The following CAST variants were observed in gnomAD, a reference collection of about 807,000 sequenced individuals.
CAST encodes the protein calpastatin, also known as MIR583 host.
CAST carries 76 observed loss-of-function variants against 119.6 expected under a neutral mutation model. That is an observed-to-expected ratio of 0.64 (90% CI 0.53 to 0.77). The LOEUF is 0.77. CAST is among the 30% of genes least tolerant of loss of function. The pLI is 0.00. For missense variants in CAST, 953 were observed against 946.5 expected (o/e 1.01, Z -0.09); for synonymous variants, 319 against 331.6 (o/e 0.96, Z 0.41).
the CAST span, among the ~76,000 whole-genome samples, chr5:96,401,850 T>C: frequency 6.6e-6 from 1 of 152,196 alleles, no homozygotes; most frequent in African/African-American, 2.4e-5. Context: ...ACAGGGTATA[T>C]ATGCTCAGCA....
At chr5:96,667,925 G>T (rs1487985511) in intron 1 of CAST, among the ~76,000 whole-genome samples, 1 of 152,234 alleles carries the variant, frequency 6.6e-6, no homozygotes, top group Non-Finnish European at 1.5e-5. Flanking sequence ...TGAGGCAGGA[G>T]AATGGCGTGA....
At chr5:96,548,729 A>G (rs901099789) in intron 1 of CAST, among the ~76,000 whole-genome samples, 4 of 152,210 alleles carry the variant, frequency 2.6e-5, no homozygotes, top group African/African-American at 4.8e-5. Context: ...TCAGTGCCTC[A>G]ATAAAGGGAG....
At chr5:96,101,391 A>T in the CAST span, among the ~76,000 whole-genome samples, 2 of 152,232 alleles carry the variant, frequency 1.3e-5, no homozygotes, top group African/African-American at 4.8e-5. Flanking sequence ...GTGCTCAATA[A>T]GTATAAGCCT....
intron 1 of CAST, among the ~76,000 whole-genome samples, chr5:96,609,027 C>T (rs1369510392): frequency 1.3e-5 from 2 of 152,178 alleles, no homozygotes; most frequent in Admixed American, 1.3e-4. Context: ...CCATATTACA[C>T]ACCTTACACA....
chr5:96,327,274 T>A, the CAST span, among the ~76,000 whole-genome samples: 5 of 152,222 alleles, frequency 3.3e-5, no homozygotes, highest in Admixed American at 6.5e-5. Context: ...GACTTCTCAA[T>A]AAATGGTAAT....
At chr5:96,361,523 C>A in the CAST span, among the ~76,000 whole-genome samples, 1 of 152,204 alleles carries the variant, frequency 6.6e-6, no homozygotes, top group Non-Finnish European at 1.5e-5. Flanking sequence ...AGCATAGTAT[C>A]TGGGCTGGAA....
chr5:96,425,412 G>A, the CAST span, among the ~76,000 whole-genome samples: 1 of 152,130 alleles, frequency 6.6e-6, no homozygotes, highest in Admixed American at 6.5e-5. Context: ...TATAAGAATT[G>A]TCATTCAGGG....
chr5:96,118,586 G>T, the CAST span, among the ~76,000 whole-genome samples: 1 of 150,764 alleles, frequency 6.6e-6, no homozygotes, highest in South Asian at 2.1e-4. Flanking sequence ...AATTCTCTGA[G>T]CACATTCCAT....
chr5:96,059,468 A>G, the CAST span, among the ~76,000 whole-genome samples: 1 of 152,128 alleles, frequency 6.6e-6, no homozygotes, highest in East Asian at 1.9e-4. Context: ...GTTATCCCCT[A>G]AAGGATCTAA....
chr5:96,525,923 C>T (rs1458917701), upstream of CAST, among the ~76,000 whole-genome samples: 2 of 152,172 alleles, frequency 1.3e-5, no homozygotes, highest in Non-Finnish European at 2.9e-5. Context: ...TAGTTCCTTC[C>T]AGAGGGAACT....
the CAST span, among the ~76,000 whole-genome samples, chr5:96,383,377 G>T: frequency 2.0e-5 from 3 of 152,310 alleles, no homozygotes; most frequent in Non-Finnish European, 4.4e-5. Flanking sequence ...GCAGGGAGAT[G>T]ACATGGAGCT....
chr5:96,169,018 T>C, the CAST span, among the ~76,000 whole-genome samples: 1 of 152,152 alleles, frequency 6.6e-6, no homozygotes, highest in Non-Finnish European at 1.5e-5. Context: ...TCAAGTTGTT[T>C]GCATAAAAAG....
At chr5:96,607,131 G>A (rs1280890064) in intron 1 of CAST, among the ~76,000 whole-genome samples, 2 of 151,930 alleles carry the variant, frequency 1.3e-5, no homozygotes, top group Non-Finnish European at 2.9e-5. Flanking sequence ...TACTAAAAAT[G>A]CAAAAAATTA....
At chr5:96,200,900 A>C in the CAST span, among the ~76,000 whole-genome samples, 2 of 152,160 alleles carry the variant, frequency 1.3e-5, no homozygotes, top group Non-Finnish European at 2.9e-5. Context: ...CTGATCTACT[A>C]TAAAACTATA....
intron 1 of CAST, among the ~76,000 whole-genome samples, chr5:96,622,793 TCTTA>T (rs906523416): frequency 1.3e-5 from 2 of 151,770 alleles, no homozygotes; most frequent in African/African-American, 4.8e-5. Context: ...ATTTACAGTT[TCTTA>T]CTTGCTATTC....
the CAST span, among the ~76,000 whole-genome samples, chr5:95,971,960 C>CT: frequency 0.076 from 10,423 of 136,902 alleles, 967 homozygotes; most frequent in African/African-American, 0.22. Flanking sequence ...TCTTTTATTT[C>CT]TTTTTTTTTT....
the CAST span, among the ~76,000 whole-genome samples, chr5:96,284,672 T>C: frequency 6.6e-6 from 1 of 152,252 alleles, no homozygotes; most frequent in East Asian, 1.9e-4. Flanking sequence ...CTGTATGCCA[T>C]ACTAATTACA....
the CAST span, among the ~76,000 whole-genome samples, chr5:96,006,814 C>G: frequency 3.3e-5 from 5 of 152,276 alleles, no homozygotes; most frequent in Admixed American, 1.3e-4. Flanking sequence ...TTATTACTTT[C>G]TATACATTTC....
At chr5:96,369,230 A>G in the CAST span, among the ~76,000 whole-genome samples, 3 of 151,918 alleles carry the variant, frequency 2.0e-5, no homozygotes, top group Admixed American at 2.0e-4. Flanking sequence ...GGATTATTAC[A>G]TAAATCTCTT....
Sources: gnomAD v4.1 joint callset for allele counts (sites outside exome capture counted in the v4.1 genomes callset) on GRCh38, gnomAD v4.1.1 for gene constraint, MANE v1.5 for transcripts, NCBI Gene and HGNC (gene_info 2026-07-23, HGNC 2026-07-21) for gene names.